ZNF407: variants seen among roughly 807,000 people sequenced by gnomAD.
ZNF407 encodes zinc finger protein 407.
In ZNF407, 17 loss-of-function variants were observed where a neutral mutation model predicts 131.2. The ratio of observed to expected loss-of-function variants is 0.13; its 90% confidence interval spans 0.09 to 0.19. The LOEUF (loss-of-function observed/expected upper bound fraction) is 0.19. ZNF407 is among the 10% of genes least tolerant of loss of function. The probability of loss-of-function intolerance (pLI) is 1.00; values close to 1 mark genes in which losing one functional copy is unlikely to be tolerated. For missense variants in ZNF407, 2,681 were observed against 2,830.6 expected (o/e 0.95, Z 1.20); for synonymous variants, 1,156 against 1,062.0 (o/e 1.09, Z -1.72).
chr18:74,975,919 A>G (rs184691416), intron 8 of ZNF407, among the ~76,000 whole-genome samples: 1 of 152,354 alleles, frequency 6.6e-6, no homozygotes, highest in East Asian at 1.9e-4. Context: ...CTAGATGGTC[A>G]TGACAGAGAG....
intron 3 of ZNF407, among the ~76,000 whole-genome samples, chr18:74,676,660 T>G (rs1157945207): frequency 6.6e-6 from 1 of 151,932 alleles, no homozygotes; most frequent in Non-Finnish European, 1.5e-5. Context: ...GGTCTCGATC[T>G]CCTGACCTCG....
chr18:74,942,043 T>A (rs79091105), intron 8 of ZNF407, among the ~76,000 whole-genome samples: 4,431 of 152,282 alleles, frequency 0.029, 242 homozygotes, highest in African/African-American at 0.1. Flanking sequence ...GGTGTGGATC[T>A]GATGGCTGGA....
chr18:74,849,603 G>T (rs1328671503), intron 4 of ZNF407, among the ~76,000 whole-genome samples: 1 of 152,050 alleles, frequency 6.6e-6, no homozygotes, highest in Non-Finnish European at 1.5e-5. Flanking sequence ...AAACAGTAGC[G>T]GTGCCCTGTC....
intron 3 of ZNF407, among the ~76,000 whole-genome samples, chr18:74,766,133 A>C (rs527897766): frequency 1.3e-5 from 2 of 152,186 alleles, no homozygotes; most frequent in South Asian, 2.1e-4. Context: ...GGTCTCATGC[A>C]ACAATGGGAG....
chr18:74,932,862 C>T (rs566080288), intron 8 of ZNF407, among the ~76,000 whole-genome samples: 1 of 152,270 alleles, frequency 6.6e-6, no homozygotes, highest in East Asian at 1.9e-4. Context: ...CATACCTATT[C>T]AGATGCCTCC....
chr18:74,755,743 T>TTCTTTCTTTCTTTCTTTCTTTCTC, intron 3 of ZNF407, among the ~76,000 whole-genome samples: 1 of 115,908 alleles, frequency 8.6e-6, no homozygotes, highest in East Asian at 2.4e-4. Context: ...CTTTCTTTCT[T>TTCTTTCTTTCTTTCTTTCTTTCTC]TCTTTCTTTC....
At chr18:74,780,916 A>G (rs535885596) in intron 3 of ZNF407, among the ~76,000 whole-genome samples, 19 of 152,230 alleles carry the variant, frequency 1.2e-4, no homozygotes, top group African/African-American at 4.6e-4. Context: ...CTTCAATATA[A>G]TTTTTTGTGC....
At chr18:74,938,976 A>G (rs1568276533) in intron 8 of ZNF407, among the ~76,000 whole-genome samples, 2 of 152,238 alleles carry the variant, frequency 1.3e-5, no homozygotes. Flanking sequence ...AAGAAGAGAA[A>G]ACAGTCATTA....
chr18:74,611,682 T>C lies in ZNF407; in HGVS notation c.-54+13745T>C, dbSNP rs553056598. On this transcript the variant is annotated intron_variant, in intron 1 of 8. Coordinates refer to ENST00000299687, the MANE Select transcript of ZNF407 (RefSeq NM_017757.3). Reference sequence around the variant, plus strand: ...TGCCTTTGGGAGTATCTAGTAAAGTTGAGATACCTGTATCCTTTGACCCAG... The same window carrying C: ...TGCCTTTGGGAGTATCTAGTAAAGTCGAGATACCTGTATCCTTTGACCCAG... Among the ~76,000 whole-genome samples, 182 of 152,308 alleles carry C rather than the reference T, an allele frequency of 1.2e-3. 2 individuals are homozygous for C. Among genetic ancestry groups the C allele is most frequent in the African/African-American group, 3.7e-3 (154 of 41,566 alleles).
rs533394665 is a variant in ZNF407 at position 74,839,316 on chromosome 18, T to C, written c.4878-37881T>C. Among the ~76,000 whole-genome samples, 12 of 152,348 alleles carry C rather than the reference T, an allele frequency of 7.9e-5. No homozygotes were observed. In the South Asian group the frequency reaches 2.3e-3, roughly 29 times the overall value. Reference sequence around the variant, plus strand: ...AGAAATAGAACCAGTAGAAGGTACATACACACACACTGGAGATTAATTACA... The same window carrying C: ...AGAAATAGAACCAGTAGAAGGTACACACACACACACTGGAGATTAATTACA... On this transcript the variant is annotated intron_variant, in intron 4 of 8. Coordinates refer to ENST00000299687, the MANE Select transcript of ZNF407 (RefSeq NM_017757.3).
chr18:74,709,839 A>G (rs1026959536), intron 3 of ZNF407, among the ~76,000 whole-genome samples: 14 of 152,234 alleles, frequency 9.2e-5, no homozygotes, highest in Non-Finnish European at 1.8e-4. Flanking sequence ...GTCACTATCA[A>G]CAAGCATCAT....
At chr18:74,829,025 A>T (rs1327803141) in intron 4 of ZNF407, among the ~76,000 whole-genome samples, 1 of 152,226 alleles carries the variant, frequency 6.6e-6, no homozygotes, top group Non-Finnish European at 1.5e-5. Flanking sequence ...ACAGGGGGCC[A>T]GTGGGCAGCA....
At chr18:74,671,926 T>G (rs1378445496) in intron 3 of ZNF407, among the ~76,000 whole-genome samples, 1 of 152,184 alleles carries the variant, frequency 6.6e-6, no homozygotes, top group Admixed American at 6.5e-5. Flanking sequence ...AAAATTCTGG[T>G]GTAGATGTAC....
chr18:74,778,035 A>T (rs149649574), intron 3 of ZNF407, among the ~76,000 whole-genome samples: 54 of 152,168 alleles, frequency 3.5e-4, no homozygotes, highest in African/African-American at 1.1e-3. Flanking sequence ...TGAGCTATTT[A>T]AAAAAAATAA....
At chr18:74,936,944 A>G (rs1972046622) in intron 8 of ZNF407, among the ~76,000 whole-genome samples, 1 of 152,216 alleles carries the variant, frequency 6.6e-6, no homozygotes, top group Non-Finnish European at 1.5e-5. Flanking sequence ...TAGTGTTGTA[A>G]AACACAGTTG....
chr18:74,807,848 G>A (rs531318893), intron 4 of ZNF407, among the ~76,000 whole-genome samples: 25 of 151,978 alleles, frequency 1.6e-4, no homozygotes, highest in African/African-American at 5.5e-4. Context: ...ACATACTCAC[G>A]GACACATACA....
chr18:74,798,067 T>G (rs1969954194), intron 4 of ZNF407, among the ~76,000 whole-genome samples: 1 of 152,092 alleles, frequency 6.6e-6, no homozygotes, highest in Admixed American at 6.6e-5. Flanking sequence ...ACCTTTAAGT[T>G]TCATTACAGC....
intron 3 of ZNF407, among the ~76,000 whole-genome samples, chr18:74,723,462 T>G (rs1968086665): frequency 6.6e-6 from 1 of 152,240 alleles, no homozygotes. Flanking sequence ...GTTAACTTGA[T>G]TAGCATCAAA....
At chr18:74,876,359 T>G (rs1971155975) in intron 4 of ZNF407, among the ~76,000 whole-genome samples, 1 of 152,226 alleles carries the variant, frequency 6.6e-6, no homozygotes, top group African/African-American at 2.4e-5. Context: ...GTTACAGGGA[T>G]TGTTTTAAAC....
Sources: gnomAD v4.1 joint callset for allele counts (sites outside exome capture counted in the v4.1 genomes callset) on GRCh38, gnomAD v4.1.1 for gene constraint, MANE v1.5 for transcripts, NCBI Gene and HGNC (gene_info 2026-07-23, HGNC 2026-07-21) for gene names.